FBXL17: variants seen among roughly 807,000 people sequenced by gnomAD.
The protein encoded by FBXL17 is F-box/LRR-repeat protein 17.
A neutral mutation model predicts 66.2 loss-of-function variants in FBXL17; 22 were observed. The ratio of observed to expected loss-of-function variants is 0.33; its 90% CI spans 0.24 to 0.47. FBXL17 has a LOEUF of 0.47. Ranked by LOEUF, FBXL17 falls within the 20% of genes least tolerant of loss-of-function variation. The pLI, the probability that FBXL17 is intolerant of heterozygous loss-of-function variation, is 1.00. For missense variants in FBXL17, 878 were observed against 948.2 expected (o/e 0.93, Z 0.97); for synonymous variants, 474 against 400.5 (o/e 1.18, Z -2.19).
chr5:107,941,168 C>T (rs575903138), intron 7 of FBXL17, among the ~76,000 whole-genome samples: 60 of 150,894 alleles, frequency 4.0e-4, no homozygotes, highest in African/African-American at 1.3e-3. Context: ...TTCAGAGTTA[C>T]AGGTTTGTTA....
intron 6 of FBXL17, among the ~76,000 whole-genome samples, chr5:108,054,304 A>G (rs751682058): frequency 3.8e-4 from 58 of 152,138 alleles, no homozygotes; most frequent in Non-Finnish European, 2.8e-4. Context: ...TTCACTGGGT[A>G]TAAAATTCTG....
At chr5:107,978,112 C>T (rs960335455) in intron 7 of FBXL17, among the ~76,000 whole-genome samples, 3 of 151,438 alleles carry the variant, frequency 2.0e-5, no homozygotes, top group Non-Finnish European at 4.4e-5. Context: ...TCTCAGTGTC[C>T]AGGTAATGCT....
intron 6 of FBXL17, among the ~76,000 whole-genome samples, chr5:108,147,543 T>G (rs766365616): frequency 6.6e-6 from 1 of 151,984 alleles, no homozygotes; most frequent in Non-Finnish European, 1.5e-5. Context: ...AAATGACGGA[T>G]AGGTTACAAG....
At chr5:108,226,277 C>T (rs1755096641) in intron 4 of FBXL17, among the ~76,000 whole-genome samples, 1 of 152,154 alleles carries the variant, frequency 6.6e-6, no homozygotes, top group Non-Finnish European at 1.5e-5. Context: ...ACTTAGTTCC[C>T]CATCGGCACC....
Position 108,381,393 on chromosome 5 carries a change from A to C in FBXL17, c.299T>G (p.Leu100Arg). Residue 100 changes from leucine to arginine, a missense_variant, in exon 1 of 9, where the codon CTG (leucine) becomes CGG (arginine). Physicochemically the swap from Leu to Arg is moderately radical, Grantham distance 102 (BLOSUM62 -2). This residue lies in a region of FBXL17 where 605 missense variants were observed against 509.5 expected (regional missense o/e 1.19). Coordinates refer to ENST00000542267, the MANE Select transcript of FBXL17 (RefSeq NM_001163315.3). ...GGCCAGGGCCGCGTAGCGCCGCGCCAGGTGCTGAGAGGAGGAGGCGGCAGC... is the reference window on the plus strand; with the variant it reads ...GGCCAGGGCCGCGTAGCGCCGCGCCCGGTGCTGAGAGGAGGAGGCGGCAGC... ...AYAAASSSQHLARRYAALAAE... is the reference protein window; with the variant it reads ...AYAAASSSQHRARRYAALAAE... The C allele has an allele frequency of 8.3e-6, 11 of 1,319,666 alleles. No homozygotes were observed. The highest frequency in any genetic ancestry group is 1.1e-5 in the Non-Finnish European group (11 of 1,043,434). The allele number at this position is 1,319,666 out of a possible 1,614,324, so 81.7% of individuals were successfully genotyped here.
Position 107,881,160 on chromosome 5 carries a change from T to C in FBXL17, c.1842A>G (p.Arg614=), listed in dbSNP as rs777199520. 2 of 1,610,572 alleles carry C rather than the reference T, an allele frequency of 1.2e-6. No individual in the cohort carries two copies. The highest frequency in any genetic ancestry group is 1.1e-5 in the South Asian group (1 of 90,346). ...ITDYALIAIG[R]YSMTIETVDV... is the part of the protein sequence containing the mutation. ...CCACAGTCTCTATTGTCATGCTGTA[T>C]CGCCCAATGGCTATCAGTGCTGCAA... The change falls in exon 8 of 9, where the codon CGA becomes CGG. Residue 614 remains arginine (R), a synonymous_variant. Transcript: ENST00000542267.
intron 7 of FBXL17, among the ~76,000 whole-genome samples, chr5:107,960,947 AG>A (rs1751878576): frequency 6.6e-6 from 1 of 152,136 alleles, no homozygotes; most frequent in Non-Finnish European, 1.5e-5. Flanking sequence ...AGGTTACCAG[AG>A]GGTATGCACA....
chr5:108,367,500 G>A (rs1371620153), intron 2 of FBXL17, among the ~76,000 whole-genome samples: 1 of 151,974 alleles, frequency 6.6e-6, no homozygotes, highest in African/African-American at 2.4e-5. Flanking sequence ...CTACAGAAAT[G>A]TTTGCCATCA....
At chr5:108,113,295 C>T (rs1001559059) in intron 6 of FBXL17, among the ~76,000 whole-genome samples, 3 of 152,136 alleles carry the variant, frequency 2.0e-5, no homozygotes, top group African/African-American at 7.2e-5. Flanking sequence ...GGGATGTAAT[C>T]TGCAACTTTA....
intron 8 of FBXL17, among the ~76,000 whole-genome samples, chr5:107,872,391 A>G (rs1248194325): frequency 6.6e-6 from 1 of 152,218 alleles, no homozygotes; most frequent in Non-Finnish European, 1.5e-5. Flanking sequence ...GGTACTTTTT[A>G]CAATCCATTA....
Position 108,126,664 on chromosome 5 carries a change from C to CATAT in FBXL17, c.1745+59449_1745+59452dup, listed in dbSNP as rs869283993. 9.0e-3 allele frequency among the ~76,000 whole-genome samples: 969 copies of CATAT among 107,952 alleles called. 10 individuals carry two copies. The highest frequency in any genetic ancestry group is 0.025 in the African/African-American group (762 of 30,850). The allele number at this position is 107,952 out of a possible 152,430, so 70.8% of individuals were successfully genotyped here. ...CTCTCTCTCTCTCTATATATATATA[C>CATAT]ATATATATATATATATATATACACA... On this transcript the variant is annotated intron_variant, in intron 6 of 8. Coordinates refer to ENST00000542267, the MANE Select transcript of FBXL17 (RefSeq NM_001163315.3).
intron 4 of FBXL17, among the ~76,000 whole-genome samples, chr5:108,260,921 G>A (rs1440014412): frequency 6.6e-6 from 1 of 152,034 alleles, no homozygotes; most frequent in African/African-American, 2.4e-5. Context: ...CTTGTGTAGA[G>A]GTTGTATGTG....
In FBXL17 at chr5:108,241,691, A is replaced by G. The variant is rs540644999; in HGVS notation, c.1507-17463T>C. ...CCAAAGAAGAAAGACTACCTTAATG[A>G]ACAAGGCATTTAATAATCAAATTCA... On this transcript the variant is annotated intron_variant, in intron 4 of 8. Transcript: ENST00000542267. Among the ~76,000 whole-genome samples, 3 of 152,302 alleles carry G rather than the reference A, an allele frequency of 2.0e-5. No homozygotes were observed. In the South Asian group the frequency reaches 6.2e-4, roughly 32 times the overall value.
At chr5:108,254,810 C>A (rs183853176) in intron 4 of FBXL17, among the ~76,000 whole-genome samples, 1 of 152,310 alleles carries the variant, frequency 6.6e-6, no homozygotes, top group African/African-American at 2.4e-5. Flanking sequence ...CTTAGAAGCA[C>A]TGCATTAAGA....
At chr5:108,325,642 G>T (rs184256237) in intron 4 of FBXL17, among the ~76,000 whole-genome samples, 1 of 152,204 alleles carries the variant, frequency 6.6e-6, no homozygotes. Flanking sequence ...TCTTAAGCAG[G>T]AAAGCAATGT....
intron 7 of FBXL17, among the ~76,000 whole-genome samples, chr5:107,946,110 A>T (rs1751269521): frequency 6.6e-6 from 1 of 151,074 alleles, no homozygotes; most frequent in African/African-American, 2.4e-5. Flanking sequence ...TAATTACTTT[A>T]ATCACTCAGT....
intron 7 of FBXL17, among the ~76,000 whole-genome samples, chr5:107,912,485 A>T (rs181826948): frequency 2.0e-5 from 3 of 152,284 alleles, no homozygotes; most frequent in African/African-American, 7.2e-5. Context: ...AAGTGGCTAA[A>T]AGAACAAAGT....
chr5:108,305,368 C>G (rs2063422), intron 4 of FBXL17, among the ~76,000 whole-genome samples: 6,474 of 151,922 alleles, frequency 0.043, 760 homozygotes, highest in East Asian at 0.39. Context: ...CTAATGGATG[C>G]TGGACTTAAT....
intron 4 of FBXL17, among the ~76,000 whole-genome samples, chr5:108,224,788 G>A (rs758766608): frequency 1.8e-4 from 27 of 151,674 alleles, no homozygotes; most frequent in African/African-American, 6.3e-4. Context: ...TGTTGTTGTT[G>A]TGTTTTGTTT....
Sources: gnomAD v4.1 joint callset for allele counts (sites outside exome capture counted in the v4.1 genomes callset) on GRCh38, gnomAD v4.1.1 for gene constraint, gnomAD v4.1.1 regional missense constraint, MANE v1.5 for transcripts, NCBI Gene and HGNC (gene_info 2026-07-23, HGNC 2026-07-21) for gene names.